VPS13B: variants seen among roughly 807,000 people sequenced by gnomAD.
VPS13B encodes vacuolar protein sorting 13 homolog B.
VPS13B carries 285 observed loss-of-function variants against 426.4 expected under a neutral mutation model. The observed-to-expected ratio is 0.67, with a 90% CI of 0.61 to 0.74. The LOEUF is 0.74. VPS13B is among the 30% of genes least tolerant of loss of function. The pLI is 0.00. For missense variants in VPS13B, 4,537 were observed against 4,782.6 expected (o/e 0.95, Z 1.51); for synonymous variants, 1,676 against 1,676.4 (o/e 1.00, Z 0.01).
chr8:99,321,133 G>T (rs1365781960), intron 19 of VPS13B, among the ~76,000 whole-genome samples: 1 of 151,650 alleles, frequency 6.6e-6, no homozygotes, highest in African/African-American at 2.4e-5. Flanking sequence ...TTATAATTTA[G>T]ATTGGCTCAG....
At chr8:99,162,422 G>A (rs762090947) in intron 15 of VPS13B, among the ~76,000 whole-genome samples, 16 of 152,286 alleles carry the variant, frequency 1.1e-4, no homozygotes, top group African/African-American at 2.6e-4. Flanking sequence ...AATTGTGTCC[G>A]GAGTTGGTGG....
At position 99,853,789 on chromosome 8, in the gene VPS13B, A is replaced by C; in HGVS notation, c.10400A>C (p.Lys3467Thr). Residue 3467 changes from lysine (K) to threonine (T), a missense_variant, in exon 56 of 62, where the codon AAA becomes ACA. Transcript: ENST00000357162. ...ATGCAGAGTCTCCTCATATCCAACA[A>C]AGAGTTGGAAGAATACAAGGAAAAA... ...SKMQSLLISNKELEEYKEKCF... is the reference protein window; with the variant it reads ...SKMQSLLISNTELEEYKEKCF... 5.6e-6 allele frequency: 9 copies of C among 1,614,190 alleles called. No individual in the cohort carries two copies. The highest frequency in any genetic ancestry group is 7.6e-6 in the Non-Finnish European group (9 of 1,180,006).
At chr8:99,611,390 TTAAAA>T (rs1300337581) in intron 33 of VPS13B, among the ~76,000 whole-genome samples, 1 of 152,146 alleles carries the variant, frequency 6.6e-6, no homozygotes, top group Admixed American at 6.6e-5. Flanking sequence ...CTTTTGTACT[TTAAAA>T]TAATCACATT....
chr8:99,680,478 AATCT>A (rs1419704351), intron 35 of VPS13B, among the ~76,000 whole-genome samples: 2 of 152,204 alleles, frequency 1.3e-5, no homozygotes, highest in African/African-American at 4.8e-5. Flanking sequence ...GCATTTGTCT[AATCT>A]TTTAACTCAA....
At chr8:99,632,776 G>T (rs1017396578) in intron 33 of VPS13B, among the ~76,000 whole-genome samples, 1 of 151,996 alleles carries the variant, frequency 6.6e-6, no homozygotes, top group Non-Finnish European at 1.5e-5. Context: ...GACAGAGAGA[G>T]AATATATGGC....
rs112780006 is a variant in VPS13B at position 99,556,436 on chromosome 8, C to T, written c.4746-14C>T. The T allele has an allele frequency of 3.2e-3, 5,159 of 1,610,682 alleles. 15 individuals are homozygous for T. The highest frequency in any genetic ancestry group is 4.1e-3 in the Non-Finnish European group (4,836 of 1,178,864). ...TTCTTGTTTTTATTTTTGTTTTTTT[C>T]GCTGCCTTTACAGGAGAGCCTTGAA... On this transcript the variant is annotated splice_polypyrimidine_tract_variant and intron_variant, in intron 30 of 61. Transcript: ENST00000357162.
intron 23 of VPS13B, among the ~76,000 whole-genome samples, chr8:99,454,152 C>T (rs899727517): frequency 6.6e-6 from 1 of 152,074 alleles, no homozygotes; most frequent in Non-Finnish European, 1.5e-5. Context: ...TAGTAATATG[C>T]ATTTTTGCTT....
At chr8:99,299,382 G>A (rs1231118406) in intron 19 of VPS13B, among the ~76,000 whole-genome samples, 3 of 151,936 alleles carry the variant, frequency 2.0e-5, no homozygotes, top group African/African-American at 4.8e-5. Flanking sequence ...ACCGCTTTAC[G>A]TTTTAATTTC....
At chr8:99,478,166 C>A (rs1399169819) in intron 24 of VPS13B, among the ~76,000 whole-genome samples, 1 of 149,924 alleles carries the variant, frequency 6.7e-6, no homozygotes, top group Non-Finnish European at 1.5e-5. Context: ...CTTTGGCCAA[C>A]AAACTGATAC....
intron 35 of VPS13B, among the ~76,000 whole-genome samples, 187 bp from the exon 36 acceptor site, chr8:99,699,338 G>T: frequency 6.6e-6 from 1 of 151,962 alleles, no homozygotes; most frequent in Non-Finnish European, 1.5e-5. Flanking sequence ...CAGGGAGAGT[G>T]CTCCTTCAAG....
intron 24 of VPS13B, 118 bp downstream of exon 24, chr8:99,467,752 C>G (rs1819188312): frequency 9.3e-7 from 1 of 1,076,942 alleles, no homozygotes; most frequent in South Asian, 1.3e-5. Flanking sequence ...TTTAACTTGG[C>G]CATCAAGATC....
chr8:99,064,452 G>C (rs1482552665), intron 3 of VPS13B, among the ~76,000 whole-genome samples: 3 of 152,176 alleles, frequency 2.0e-5, no homozygotes, highest in African/African-American at 7.2e-5. Flanking sequence ...TGAGAACTAT[G>C]TGAAATATGC....
chr8:99,285,813 T>C (rs1819404367), intron 19 of VPS13B, among the ~76,000 whole-genome samples: 2 of 152,154 alleles, frequency 1.3e-5, no homozygotes, highest in African/African-American at 4.8e-5. Context: ...AGTTGTTCTA[T>C]ACCCTCTAGA....
intron 8 of VPS13B, among the ~76,000 whole-genome samples, chr8:99,123,680 G>A (rs1848056793): frequency 6.6e-6 from 1 of 151,994 alleles, no homozygotes; most frequent in South Asian, 2.1e-4. Flanking sequence ...GTGATGAAAA[G>A]TGATTGTGTT....
intron 25 of VPS13B, among the ~76,000 whole-genome samples, chr8:99,499,382 A>G (rs1821106821): frequency 6.6e-6 from 1 of 152,294 alleles, no homozygotes; most frequent in East Asian, 1.9e-4. Context: ...CTTACCAAGT[A>G]TACCAAGTAG....
At chr8:99,740,049 A>G (rs1052348926) in intron 39 of VPS13B, among the ~76,000 whole-genome samples, 1 of 152,184 alleles carries the variant, frequency 6.6e-6, no homozygotes, top group Non-Finnish European at 1.5e-5. Context: ...GTACGAACCC[A>G]TGGCACAGAA....
chr8:99,128,424 A>G (rs1384393606), intron 8 of VPS13B, among the ~76,000 whole-genome samples: 1 of 109,946 alleles, frequency 9.1e-6, no homozygotes, highest in Admixed American at 8.9e-5. Context: ...AAAAAAAAAA[A>G]AAATTTGTTG....
intron 17 of VPS13B, among the ~76,000 whole-genome samples, chr8:99,222,994 G>A (rs1463190319): frequency 6.6e-6 from 1 of 152,010 alleles, no homozygotes; most frequent in Non-Finnish European, 1.5e-5. Flanking sequence ...ACACCACCAT[G>A]CCCAGCTAAT....
At position 99,152,558 on chromosome 8, in the gene VPS13B, GAACT is replaced by G. The variant is rs770469649; in HGVS notation, c.2014-3990_2014-3987del. Among the ~76,000 whole-genome samples, 301 of 152,252 alleles carry G rather than the reference GAACT, an allele frequency of 2.0e-3. 6 individuals carry two copies. The highest frequency in any genetic ancestry group is 1.3e-3 in the Non-Finnish European group (86 of 68,004). On this transcript the variant is annotated intron_variant, in intron 14 of 61. Coordinates refer to ENST00000357162, the MANE Select transcript of VPS13B (RefSeq NM_152564.5). Reference sequence around the variant, plus strand: ...GTCCTTATTGATTTTCTGTCTGCTGGAACTGATTATATCTGATAGAGGGATATTG... The same window carrying G: ...GTCCTTATTGATTTTCTGTCTGCTGGGATTATATCTGATAGAGGGATATTG...
Sources: allele counts gnomAD v4.1 joint callset (sites outside exome capture counted in the v4.1 genomes callset), GRCh38; gene constraint gnomAD v4.1.1; transcripts MANE v1.5; gene names NCBI Gene and HGNC (gene_info 2026-07-23, HGNC 2026-07-21).